The following ZNF800 variants were observed in gnomAD, a reference collection of about 807,000 sequenced individuals.
ZNF800 encodes the protein zinc finger protein 800.
In ZNF800, 13 loss-of-function variants were observed where a neutral mutation model predicts 59.5. The observed-to-expected ratio is 0.22, with a 90% CI of 0.14 to 0.35. The LOEUF (loss-of-function observed/expected upper bound fraction) is 0.35. Ranked by LOEUF, ZNF800 falls within the 10% of genes least tolerant of loss-of-function variation. The probability of loss-of-function intolerance (pLI) is 1.00; values close to 1 mark genes in which losing one functional copy is unlikely to be tolerated. For missense variants in ZNF800, 621 were observed against 783.7 expected (o/e 0.79, Z 2.48); for synonymous variants, 266 against 265.7 (o/e 1.00, Z -0.01).
At chr7:127,344,985 A>G (rs1800030979), downstream of ZNF800, among the ~76,000 whole-genome samples, 1 of 152,232 alleles carries the variant, frequency 6.6e-6, no homozygotes, top group Admixed American at 6.5e-5. Context: ...TAAATAAAAA[A>G]TGCAATATTT....
downstream of ZNF800, among the ~76,000 whole-genome samples, chr7:127,367,405 G>C (rs1312598152): frequency 6.6e-6 from 1 of 152,100 alleles, no homozygotes; most frequent in African/African-American, 2.4e-5. Context: ...TACCAGCTAT[G>C]TGAACCTAAG....
chr7:127,344,642 T>C (rs751950519), downstream of ZNF800, among the ~76,000 whole-genome samples: 41 of 152,062 alleles, frequency 2.7e-4, no homozygotes, highest in African/African-American at 9.4e-4. Context: ...ATGGCAATAA[T>C]TAACAGCATG....
At chr7:127,381,741 A>C (rs567073875) in intron 3 of ZNF800, among the ~76,000 whole-genome samples, 1 of 152,210 alleles carries the variant, frequency 6.6e-6, no homozygotes, top group Admixed American at 6.5e-5. Context: ...TATAAAAAAA[A>C]GTCCCATTTT....
intron 3 of ZNF800, among the ~76,000 whole-genome samples, chr7:127,379,858 C>A: frequency 1.3e-5 from 1 of 74,606 alleles, no homozygotes; most frequent in Non-Finnish European, 2.8e-5. Flanking sequence ...CCCCACCCCC[C>A]CCACACACAC....
downstream of ZNF800, among the ~76,000 whole-genome samples, chr7:127,344,409 T>C (rs972530724): frequency 1.3e-5 from 2 of 152,096 alleles, no homozygotes; most frequent in Admixed American, 6.5e-5. Context: ...AGTTCCTGAA[T>C]AAGAAATTTA....
intron 2 of ZNF800, among the ~76,000 whole-genome samples, chr7:127,389,694 C>A (rs1034596729): frequency 6.6e-6 from 1 of 152,024 alleles, no homozygotes; most frequent in African/African-American, 2.4e-5. Context: ...GCTAACAAGG[C>A]AAGAAAACAG....
intron 4 of ZNF800, 28 bp from the exon 5 acceptor site, chr7:127,375,062 CT>C: frequency 2.0e-6 from 3 of 1,510,048 alleles, no homozygotes; most frequent in Non-Finnish European, 2.6e-6. Flanking sequence ...ACATTTTAAT[CT>C]GAAGTAATTA....
At chr7:127,357,177 C>T (rs1451705484) in intron 1 of ZNF800, among the ~76,000 whole-genome samples, 1 of 151,926 alleles carries the variant, frequency 6.6e-6, no homozygotes, top group African/African-American at 2.4e-5. Context: ...CACAAATTTC[C>T]ACTTCATACT....
intron 2 of ZNF800, among the ~76,000 whole-genome samples, chr7:127,388,855 G>A (rs555193781): frequency 6.6e-6 from 1 of 152,138 alleles, no homozygotes; most frequent in African/African-American, 2.4e-5. Context: ...TCCTTCACTT[G>A]AAAACATACT....
intron 1 of ZNF800, among the ~76,000 whole-genome samples, chr7:127,357,922 T>C (rs1800306447): frequency 1.3e-5 from 2 of 151,950 alleles, no homozygotes. Flanking sequence ...AGGTAGGTAT[T>C]ATCCTAAATT....
chr7:127,381,447 T>C (rs944918804), intron 3 of ZNF800, among the ~76,000 whole-genome samples: 1 of 151,664 alleles, frequency 6.6e-6, no homozygotes, highest in Non-Finnish European at 1.5e-5. Context: ...TAAATATATA[T>C]ATATGTTAAT....
At chr7:127,390,526 T>C (rs1374421937) in intron 2 of ZNF800, among the ~76,000 whole-genome samples, 3 of 152,192 alleles carry the variant, frequency 2.0e-5, no homozygotes, top group Admixed American at 1.3e-4. Flanking sequence ...TAACATTTTT[T>C]TCCATTAATC....
chr7:127,379,945 T>C (rs1800925754), intron 3 of ZNF800, among the ~76,000 whole-genome samples: 1 of 147,660 alleles, frequency 6.8e-6, no homozygotes, highest in South Asian at 2.2e-4. Flanking sequence ...CAGATTTCTT[T>C]CAGGTCCACA....
At chr7:127,369,642 G>A (rs1800585515), downstream of ZNF800, among the ~76,000 whole-genome samples, 1 of 151,998 alleles carries the variant, frequency 6.6e-6, no homozygotes, top group African/African-American at 2.4e-5. Flanking sequence ...TCTAATGTAG[G>A]CAAGTACTGA....
chr7:127,348,471 T>C (rs774022883), intron 1 of ZNF800, among the ~76,000 whole-genome samples: 1 of 145,072 alleles, frequency 6.9e-6, no homozygotes, highest in Non-Finnish European at 1.5e-5. Context: ...CACCCAACAA[T>C]AAGGTATTGG....
downstream of ZNF800, among the ~76,000 whole-genome samples, chr7:127,345,721 A>C (rs929529886): frequency 1.3e-5 from 2 of 152,222 alleles, no homozygotes; most frequent in Non-Finnish European, 2.9e-5. Flanking sequence ...TTATCCTAAA[A>C]GCAACAATTT....
chr7:127,368,166 A>G (rs17865317), downstream of ZNF800, among the ~76,000 whole-genome samples: 3 of 152,236 alleles, frequency 2.0e-5, no homozygotes, highest in African/African-American at 7.2e-5. Context: ...GCTCAGAGGA[A>G]TAGGGTATAG....
chr7:127,369,322 T>C (rs1800579442), downstream of ZNF800, among the ~76,000 whole-genome samples: 1 of 152,154 alleles, frequency 6.6e-6, no homozygotes, highest in African/African-American at 2.4e-5. Flanking sequence ...CAGTTTCTGA[T>C]GGCTCTTTGT....
At chr7:127,375,272 G>A (rs571159269) in intron 4 of ZNF800, among the ~76,000 whole-genome samples, 1 of 151,908 alleles carries the variant, frequency 6.6e-6, no homozygotes, top group South Asian at 2.1e-4. Context: ...TAATCTGAAG[G>A]GCTACTTTTG....
Sources: allele counts gnomAD v4.1 joint callset (sites outside exome capture counted in the v4.1 genomes callset), GRCh38; gene constraint gnomAD v4.1.1; transcripts MANE v1.5; gene names NCBI Gene and HGNC (gene_info 2026-07-23, HGNC 2026-07-21).